SLC38A10: variants seen among roughly 807,000 people sequenced by gnomAD.
SLC38A10 encodes the protein Sodium-coupled neutral amino acid transporter 10.
SLC38A10 carries 53 observed loss-of-function variants against 81.0 expected under a neutral mutation model. The ratio of observed to expected loss-of-function variants is 0.65; its 90% CI spans 0.53 to 0.82. The LOEUF (loss-of-function observed/expected upper bound fraction) is 0.82. SLC38A10 is among the 40% of genes least tolerant of loss of function. The pLI is 0.00. For synonymous variants in SLC38A10, 665 were observed against 655.3 expected (o/e 1.01, Z -0.23); for missense variants, 1,471 against 1,545.0 (o/e 0.95, Z 0.80).
rs759195117 is a variant in SLC38A10, at chr17:81,245,857, A to AGCTCTG, written c.3053_3058dup (p.Pro1018_Glu1019dup). The AGCTCTG allele has an allele frequency of 2.5e-5, 41 of 1,612,154 alleles. No homozygotes were observed. Among genetic ancestry groups the AGCTCTG allele is most frequent in the Non-Finnish European group, 3.5e-5 (41 of 1,179,566 alleles). The stretch of plus-strand genomic sequence containing the variant: ...CCCCGGGACAGCTCGTTTGAGCCCC[A>AGCTCTG]GCTCTGGCTCTGGCCTCTGCCTGGG... On this transcript the variant is annotated inframe_insertion, in exon 16 of 16. Transcript: ENST00000374759.
chr17:81,252,172 C>A, intron 13 of SLC38A10, 23 bp downstream of exon 13: 4 of 1,495,338 alleles, frequency 2.7e-6, no homozygotes, highest in Non-Finnish European at 3.5e-6. Flanking sequence ...TGTCTTCCGA[C>A]ACGAGCCCAG....
intron 10 of SLC38A10, among the ~76,000 whole-genome samples, chr17:81,260,773 G>A (rs866080424): frequency 6.6e-6 from 1 of 152,336 alleles, no homozygotes; most frequent in African/African-American, 2.4e-5. Context: ...GAGGGACAGC[G>A]GCTTCCAGAA....
chr17:81,260,119 G>A (rs1474706823), intron 11 of SLC38A10, 119 bp downstream of exon 11: 35 of 1,305,806 alleles, frequency 2.7e-5, no homozygotes, highest in Non-Finnish European at 3.5e-5. Flanking sequence ...CCACCCTGCT[G>A]GCTGCACCCA....
chr17:81,257,758 C>A (rs1017662656), intron 11 of SLC38A10, among the ~76,000 whole-genome samples: 1 of 152,246 alleles, frequency 6.6e-6, no homozygotes, highest in African/African-American at 2.4e-5. Context: ...CAGCCAGGCC[C>A]CTGCCTCATT....
At chr17:81,275,854 T>A in intron 8 of SLC38A10, 115 bp downstream of exon 8, 2 of 1,274,530 alleles carry the variant, frequency 1.6e-6, no homozygotes, top group Non-Finnish European at 2.1e-6. Context: ...CCGGGACTCC[T>A]CTGACGCAAA....
At chr17:81,271,052 T>C (rs1396713527) in intron 9 of SLC38A10, 28 bp from the exon 10 acceptor site, 1 of 1,585,738 alleles carries the variant, frequency 6.3e-7, no homozygotes, top group Non-Finnish European at 8.6e-7. Flanking sequence ...CAGGAAGGGA[T>C]GAGTGGGGAA....
At chr17:81,255,583 C>G (rs750364184) in intron 11 of SLC38A10, among the ~76,000 whole-genome samples, 3 of 152,224 alleles carry the variant, frequency 2.0e-5, no homozygotes, top group Non-Finnish European at 2.9e-5. Flanking sequence ...CAGCAACACA[C>G]CCGGCTAAGC....
At chr17:81,250,990 T>C in intron 14 of SLC38A10, 3 of 1,353,088 alleles carry the variant, frequency 2.2e-6, no homozygotes, top group Non-Finnish European at 2.8e-6. Flanking sequence ...GGCCCGAGGG[T>C]GTGGGAGCAG....
intron 1 of SLC38A10, among the ~76,000 whole-genome samples, chr17:81,293,597 G>A (rs564514954): frequency 5.3e-5 from 8 of 152,028 alleles, no homozygotes; most frequent in South Asian, 4.2e-4. Context: ...TCAGCCTCCC[G>A]AGCAGCTGAG....
intron 11 of SLC38A10, among the ~76,000 whole-genome samples, chr17:81,259,650 G>A (rs775194987): frequency 9.2e-5 from 14 of 152,156 alleles, no homozygotes; most frequent in Non-Finnish European, 2.1e-4. Context: ...TCTGCACCCC[G>A]GGCTGTGCCA....
chr17:81,274,307 G>A (rs979283582), intron 8 of SLC38A10, among the ~76,000 whole-genome samples: 4 of 152,236 alleles, frequency 2.6e-5, no homozygotes, highest in Non-Finnish European at 4.4e-5. Flanking sequence ...CCAGAGGCAC[G>A]TGGCTGGTGG....
intron 11 of SLC38A10, among the ~76,000 whole-genome samples, chr17:81,257,144 G>A (rs1695280367): frequency 6.6e-6 from 1 of 152,170 alleles, no homozygotes; most frequent in Admixed American, 6.5e-5. Flanking sequence ...TTAAGAGACA[G>A]GGTCCCACTC....
intron 11 of SLC38A10, among the ~76,000 whole-genome samples, chr17:81,257,326 C>G (rs558657243): frequency 6.6e-6 from 1 of 152,186 alleles, no homozygotes; most frequent in Non-Finnish European, 1.5e-5. Context: ...AAACTCCTGA[C>G]CTCAGGTGAT....
At position 81,246,308 on chromosome 17, in the gene SLC38A10, G is replaced by A; in HGVS notation, c.2608C>T (p.Pro870Ser). The A allele has an allele frequency of 1.9e-6, 3 of 1,611,018 alleles. No homozygotes were observed. Among genetic ancestry groups the A allele is most frequent in the Admixed American group, 1.7e-5 (1 of 60,016 alleles). Residue 870 changes from proline (P) to serine (S), a missense_variant, in exon 16 of 16, where the codon CCA becomes TCA. By Grantham distance (74) the Pro-to-Ser change is moderately conservative. This residue lies in a region of SLC38A10 where 751 missense variants were observed against 717.4 expected (regional missense o/e 1.05). Coordinates refer to ENST00000374759, the MANE Select transcript of SLC38A10 (RefSeq NM_001037984.3). The part of the protein sequence containing the change: ...VPDPAREAGG[P>S]EERLAEEFPG... ...AATTCCTCTGCGAGGCGCTCCTCTG[G>A]GCCCCCGGCTTCCCTGGCGGGGTCT...
rs542543632 is a variant in SLC38A10, at chr17:81,290,996, AC to A, written c.100-1189del. On this transcript the variant is annotated intron_variant, in intron 1 of 15. Coordinates refer to ENST00000374759, the MANE Select transcript of SLC38A10 (RefSeq NM_001037984.3). ...CACTCCAGCCTGGCGACCGAGCAAG[AC>A]TCCGCCTCGAGAAAATAAAAAGAGA... Among the ~76,000 whole-genome samples, 654 of 151,492 alleles carry A rather than the reference AC, an allele frequency of 4.3e-3. 4 individuals carry two copies. The highest frequency in any genetic ancestry group is 0.01 in the Middle Eastern group (3 of 292).
At chr17:81,258,637 T>G (rs902140075) in intron 11 of SLC38A10, among the ~76,000 whole-genome samples, 2 of 151,928 alleles carry the variant, frequency 1.3e-5, no homozygotes, top group African/African-American at 4.8e-5. Flanking sequence ...CACTGGACTC[T>G]AGCTCCCAGG....
intron 9 of SLC38A10, 136 bp downstream of exon 9, chr17:81,272,380 A>T: frequency 6.3e-6 from 3 of 477,830 alleles, no homozygotes; most frequent in Non-Finnish European, 1.1e-5. Flanking sequence ...CCAGAGAAAA[A>T]CTGACAAAGT....
In SLC38A10 at chr17:81,276,228, TG is replaced by T. The variant is rs1358064383; in HGVS notation, c.730-78del. The T allele has an allele frequency of 2.1e-5, 29 of 1,393,844 alleles. No homozygotes were observed. The highest frequency in any genetic ancestry group is 8.3e-5 in the South Asian group (6 of 72,056). 86.3% of individuals were successfully genotyped at this position (1,393,844 alleles called of 1,614,324 possible). On this transcript the variant is annotated intron_variant, in intron 7 of 15. Transcript: ENST00000374759. The surrounding 1 kb of genome is among the most constrained non-coding windows in gnomAD (Gnocchi z 4.7). Reference sequence around the variant, plus strand: ...GGCACCTGTCACAGTGGGCAGGGCATGGGGGGGACCTGTGCCCTGCCCCCCA... The same window carrying T: ...GGCACCTGTCACAGTGGGCAGGGCATGGGGGGACCTGTGCCCTGCCCCCCA...
intron 1 of SLC38A10, among the ~76,000 whole-genome samples, chr17:81,290,555 C>A (rs962598569): frequency 6.6e-6 from 1 of 152,176 alleles, no homozygotes; most frequent in Non-Finnish European, 1.5e-5. Context: ...TCAGAAAAGG[C>A]AAACTTTTAG....
Sources: gnomAD v4.1 joint callset for allele counts (sites outside exome capture counted in the v4.1 genomes callset) on GRCh38, gnomAD v4.1.1 for gene constraint, gnomAD v4.1.1 regional missense constraint, Gnocchi (gnomAD v3.1) non-coding constraint, MANE v1.5 for transcripts, NCBI Gene and HGNC (gene_info 2026-07-23, HGNC 2026-07-21) for gene names.